The following ZNF678 variants were observed in gnomAD, a reference collection of about 807,000 sequenced individuals.
ZNF678 encodes the protein zinc finger protein 678.
A neutral mutation model predicts 3.0 loss-of-function variants in ZNF678; 5 were observed. The observed-to-expected ratio is 1.69, with a 90% CI of 0.88 to 3.56. ZNF678 has a LOEUF of 3.56. ZNF678 is among the 30% of genes most tolerant of loss of function. ZNF678 has a pLI of 0.00. For missense variants in ZNF678, 593 were observed against 605.0 expected (o/e 0.98, Z 0.21); for synonymous variants, 218 against 199.6 (o/e 1.09, Z -0.78).
rs1322385110 is a variant in ZNF678 at position 227,626,561 on chromosome 1, C to T, written c.-163-19983C>T. Among the ~76,000 whole-genome samples, 7 of 152,246 alleles carry T rather than the reference C, an allele frequency of 4.6e-5. No individual in the cohort carries two copies. The South Asian group carries it at 1.5e-3, about 32-fold the overall frequency. ...GGATATCTGCAACTAAGTTGGCCAT[C>T]TCTAGGTCAAGCACAAGGTCATTGG... On this transcript the variant is annotated intron_variant, in intron 1 of 3. Coordinates refer to ENST00000343776, the MANE Select transcript of ZNF678 (RefSeq NM_001367909.1).
intron 1 of ZNF678, among the ~76,000 whole-genome samples, chr1:227,605,043 G>T (rs530470059): frequency 9.9e-5 from 15 of 152,074 alleles, no homozygotes; most frequent in African/African-American, 3.1e-4. Flanking sequence ...TTTTAGTAGA[G>T]ACCGGGTTTC....
intron 1 of ZNF678, among the ~76,000 whole-genome samples, chr1:227,611,327 C>T (rs1040542862): frequency 6.6e-6 from 1 of 152,122 alleles, no homozygotes; most frequent in Non-Finnish European, 1.5e-5. Context: ...CCTATCTATA[C>T]AAGATTCAAG....
chr1:227,670,350 A>T (rs1030234783), intron 5 of ZNF678, among the ~76,000 whole-genome samples: 27 of 152,366 alleles, frequency 1.8e-4, no homozygotes, highest in East Asian at 3.9e-4. Flanking sequence ...ATACCTTAAT[A>T]AATCTGAATA....
At chr1:227,566,053 G>T (rs1248854085) in intron 1 of ZNF678, among the ~76,000 whole-genome samples, 2 of 152,326 alleles carry the variant, frequency 1.3e-5, no homozygotes, top group African/African-American at 2.4e-5. Context: ...GAGCCACCGC[G>T]CCCGGCTCCT....
intron 1 of ZNF678, among the ~76,000 whole-genome samples, chr1:227,622,636 A>AT (rs1429775356): frequency 1.3e-5 from 2 of 151,988 alleles, no homozygotes; most frequent in Non-Finnish European, 2.9e-5. Context: ...AAAGAGTTTT[A>AT]TTTGTATGCC....
At chr1:227,663,050 G>A (rs111868164), downstream of ZNF678, among the ~76,000 whole-genome samples, 1,637 of 152,224 alleles carry the variant, frequency 0.011, 33 homozygotes, top group African/African-American at 0.038. Flanking sequence ...TTTATAAGAA[G>A]TGATGGTAAA....
Position 227,640,741 on chromosome 1 carries a change from G to A in ZNF678, c.-163-5803G>A, listed in dbSNP as rs141293041. 8.1e-3 allele frequency among the ~76,000 whole-genome samples: 1,231 copies of A among 152,236 alleles called. 13 individuals carry two copies. The highest frequency in any genetic ancestry group is 0.028 in the African/African-American group (1,152 of 41,526). On this transcript the variant is annotated intron_variant, in intron 1 of 3. Coordinates refer to ENST00000343776, the MANE Select transcript of ZNF678 (RefSeq NM_001367909.1). ...GGTGGATATCTTGCCTGAGGCCTAAGGTTTGCAGGTTTTTTATGGGGCAGC... is the reference window on the plus strand; with the variant it reads ...GGTGGATATCTTGCCTGAGGCCTAAAGTTTGCAGGTTTTTTATGGGGCAGC...
chr1:227,586,016 C>A (rs1214618857), intron 1 of ZNF678, among the ~76,000 whole-genome samples: 1 of 151,998 alleles, frequency 6.6e-6, no homozygotes, highest in Non-Finnish European at 1.5e-5. Context: ...TCAACATGTC[C>A]ACTTTTCAGC....
chr1:227,612,816 C>T (rs533585341), intron 1 of ZNF678, among the ~76,000 whole-genome samples: 6 of 152,326 alleles, frequency 3.9e-5, no homozygotes, highest in African/African-American at 9.6e-5. Flanking sequence ...ACAAAGAGCA[C>T]GCCTCACCAA....
chr1:227,640,916 G>A (rs1658803919), intron 1 of ZNF678, among the ~76,000 whole-genome samples: 1 of 152,184 alleles, frequency 6.6e-6, no homozygotes, highest in East Asian at 1.9e-4. Flanking sequence ...CTCCCCAAAC[G>A]GAATCAAATG....
rs1186731546 is a variant in ZNF678, at chr1:227,654,892, T to C, written c.642T>C (p.Cys214=). The change falls in exon 4 of 4, where the codon TGT becomes TGC. Residue 214 remains cysteine (C), a synonymous_variant. Coordinates refer to ENST00000343776, the MANE Select transcript of ZNF678 (RefSeq NM_001367909.1). ...SGEKPYPCEE[C]GKAFTQFSNL... Reference sequence around the variant, plus strand: ...AGAAACCATACCCATGTGAAGAATGTGGCAAAGCCTTTACCCAGTTCTCAA... The same window carrying C: ...AGAAACCATACCCATGTGAAGAATGCGGCAAAGCCTTTACCCAGTTCTCAA... 6.2e-7 allele frequency: 1 copy of C among 1,608,732 alleles called. No homozygotes were observed. Among genetic ancestry groups the C allele is most frequent in the South Asian group, 1.1e-5 (1 of 90,866 alleles).
chr1:227,610,817 C>T (rs1657999108), intron 1 of ZNF678, among the ~76,000 whole-genome samples: 1 of 152,138 alleles, frequency 6.6e-6, no homozygotes. Flanking sequence ...AGGGATTCAT[C>T]CTGTTACATA....
chr1:227,577,673 T>C (rs916462927), intron 1 of ZNF678, among the ~76,000 whole-genome samples: 2 of 152,118 alleles, frequency 1.3e-5, no homozygotes, highest in Admixed American at 1.3e-4. Context: ...TACCAGTGGG[T>C]CTTGGTTCTT....
At chr1:227,611,833 A>G (rs1658028427) in intron 1 of ZNF678, among the ~76,000 whole-genome samples, 1 of 150,792 alleles carries the variant, frequency 6.6e-6, no homozygotes, top group East Asian at 2.0e-4. Context: ...GAATTCATCT[A>G]CTGAAAACAG....
chr1:227,564,509 C>T (rs1220797068), intron 1 of ZNF678, among the ~76,000 whole-genome samples: 3 of 152,200 alleles, frequency 2.0e-5, no homozygotes, highest in African/African-American at 7.2e-5. Context: ...AAAGCAGGGT[C>T]TTAAATCCAC....
At chr1:227,573,949 T>A (rs1347688902) in intron 1 of ZNF678, among the ~76,000 whole-genome samples, 1 of 152,236 alleles carries the variant, frequency 6.6e-6, no homozygotes, top group African/African-American at 2.4e-5. Flanking sequence ...CTGTGTTATT[T>A]TGCTAAGGAT....
intron 1 of ZNF678, among the ~76,000 whole-genome samples, chr1:227,627,089 C>T (rs988904442): frequency 1.3e-4 from 20 of 149,460 alleles, no homozygotes; most frequent in African/African-American, 3.7e-4. Flanking sequence ...AGGAGCTTGG[C>T]GATAAGGCAG....
chr1:227,571,983 A>G (rs1656855745), intron 1 of ZNF678, among the ~76,000 whole-genome samples: 1 of 152,236 alleles, frequency 6.6e-6, no homozygotes, highest in Non-Finnish European at 1.5e-5. Context: ...CAGAGCTTGC[A>G]GTGAGCCAAG....
intron 1 of ZNF678, among the ~76,000 whole-genome samples, chr1:227,633,210 A>C (rs1171040902): frequency 1.3e-5 from 2 of 152,198 alleles, no homozygotes; most frequent in Non-Finnish European, 2.9e-5. Flanking sequence ...CTCAAGTCGG[A>C]ACAAACAGAC....
Sources: gnomAD v4.1 joint callset for allele counts (sites outside exome capture counted in the v4.1 genomes callset) on GRCh38, gnomAD v4.1.1 for gene constraint, MANE v1.5 for transcripts, NCBI Gene and HGNC (gene_info 2026-07-23, HGNC 2026-07-21) for gene names.